HIBCH: variants seen among roughly 807,000 people sequenced by gnomAD.
The protein encoded by HIBCH is 3-hydroxyisobutyryl-CoA hydrolase, mitochondrial.
Under a neutral mutation model 58.2 loss-of-function variants are expected in HIBCH, and 50 were observed. The observed-to-expected ratio is 0.86, with a 90% CI of 0.68 to 1.09. HIBCH has a LOEUF of 1.09. Among genes scored for constraint, HIBCH ranks in the 50% least tolerant of loss-of-function variants. The probability of loss-of-function intolerance (pLI) is 0.00; values close to 1 mark genes in which losing one functional copy is unlikely to be tolerated. For synonymous variants in HIBCH, 151 were observed against 146.9 expected, an observed-to-expected ratio of 1.03 and a Z score of -0.20; for missense variants, 450 against 449.7, an observed-to-expected ratio of 1.00 and a Z score of -0.01.
chr2:190,207,885 AAAAAT>A lies in HIBCH; in HGVS notation c.1045+990_1045+994del, dbSNP rs150198413. Among the ~76,000 whole-genome samples, 40,858 of 151,584 alleles carry A rather than the reference AAAAAT, an allele frequency of 0.27. 5,930 individuals are homozygous for A. Among genetic ancestry groups the A allele is most frequent in the East Asian group, 0.47 (2,395 of 5,096 alleles). On this transcript the variant is annotated intron_variant, in intron 13 of 13. Transcript: ENST00000359678. This position sits in a 1 kb window ranked among gnomAD's most constrained non-coding sequence, Gnocchi z 4.5. Reference sequence around the variant, plus strand: ...GACAGTGTGAGACCCTGTCTCCAAAAAAAATAAAATAAAATAAAAAAAACAAAGGA... The same window carrying A: ...GACAGTGTGAGACCCTGTCTCCAAAAAAAATAAAATAAAAAAAACAAAGGA...
At position 190,304,198 on chromosome 2, in the gene HIBCH, C is replaced by T. The variant is rs291434; in HGVS notation, c.78+6556G>A. Among the ~76,000 whole-genome samples the T allele has an allele frequency of 0.73, 110,528 of 151,414 alleles. 40,758 individuals are homozygous for T. The highest frequency in any genetic ancestry group is 0.76 in the South Asian group (3,635 of 4,800). ...GGAGTTAACAGTAATATACAAATTGCCTTAGTTAAGTTTCTGTTGCTCACA... is the reference window on the plus strand; with the variant it reads ...GGAGTTAACAGTAATATACAAATTGTCTTAGTTAAGTTTCTGTTGCTCACA... On this transcript the variant is annotated intron_variant, in intron 2 of 13. Coordinates refer to ENST00000359678, the MANE Select transcript of HIBCH (RefSeq NM_014362.4). This position sits in a 1 kb window ranked among gnomAD's most constrained non-coding sequence, Gnocchi z 4.1.
chr2:190,314,088 AGT>A (rs1688628167), intron 1 of HIBCH, among the ~76,000 whole-genome samples: 1 of 151,984 alleles, frequency 6.6e-6, no homozygotes, highest in African/African-American at 2.4e-5. Context: ...ATTATGTAAC[AGT>A]GTAAGTACTA....
At chr2:190,266,116 A>G (rs1157310604) in intron 6 of HIBCH, among the ~76,000 whole-genome samples, 1 of 152,216 alleles carries the variant, frequency 6.6e-6, no homozygotes, top group Non-Finnish European at 1.5e-5. Flanking sequence ...CACTGGGGAC[A>G]GATAATGTAT....
At chr2:190,246,921 C>A (rs1246522882) in intron 9 of HIBCH, among the ~76,000 whole-genome samples, 1 of 152,000 alleles carries the variant, frequency 6.6e-6, no homozygotes, top group African/African-American at 2.4e-5. Flanking sequence ...ATATACTTTT[C>A]TTAATTGGAC....
chr2:190,276,401 T>C (rs1197530290), intron 6 of HIBCH, among the ~76,000 whole-genome samples: 1 of 152,306 alleles, frequency 6.6e-6, no homozygotes, highest in East Asian at 1.9e-4. Context: ...TGTTTCCTAA[T>C]TGATATAGAT....
intron 13 of HIBCH, among the ~76,000 whole-genome samples, chr2:190,208,268 G>A (rs1559010784): frequency 2.0e-5 from 3 of 152,162 alleles, no homozygotes; most frequent in Non-Finnish European, 4.4e-5. Context: ...TTAGACCACT[G>A]GTCAATTTTG....
intron 6 of HIBCH, among the ~76,000 whole-genome samples, chr2:190,268,205 G>A (rs1393423228): frequency 5.9e-5 from 9 of 152,072 alleles, no homozygotes; most frequent in South Asian, 2.1e-4. Flanking sequence ...TAAAACGTAC[G>A]TCATTGGATA....
chr2:190,286,400 T>C (rs370959780), intron 6 of HIBCH, among the ~76,000 whole-genome samples: 6 of 152,230 alleles, frequency 3.9e-5, no homozygotes, highest in Admixed American at 1.3e-4. Flanking sequence ...CCATGTCATG[T>C]AAAACTTTGA....
intron 2 of HIBCH, among the ~76,000 whole-genome samples, chr2:190,303,237 T>C (rs957817603): frequency 2.6e-5 from 4 of 152,132 alleles, no homozygotes; most frequent in African/African-American, 9.7e-5. Context: ...GATACATACA[T>C]TACCCTAGCT....
intron 11 of HIBCH, among the ~76,000 whole-genome samples, chr2:190,233,544 C>T (rs549592252): frequency 6.6e-6 from 1 of 152,298 alleles, no homozygotes; most frequent in South Asian, 2.1e-4. Flanking sequence ...TCCCCAGCCT[C>T]AATGAAATAT....
intron 1 of HIBCH, among the ~76,000 whole-genome samples, chr2:190,314,279 AT>A (rs58503019): frequency 0.25 from 23,600 of 93,832 alleles, 2,605 homozygotes; most frequent in Admixed American, 0.46. Flanking sequence ...TACAAAAAAA[AT>A]ATATATATAT....
intron 11 of HIBCH, chr2:190,220,542 C>T (rs1389238373): frequency 6.6e-6 from 1 of 151,942 alleles, no homozygotes; most frequent in Non-Finnish European, 1.5e-5. Context: ...AAAACTGGTT[C>T]TTCATGGGAA....
At chr2:190,242,537 C>G (rs1327782006) in intron 11 of HIBCH, among the ~76,000 whole-genome samples, 4 of 152,212 alleles carry the variant, frequency 2.6e-5, no homozygotes, top group African/African-American at 9.6e-5. Context: ...GTTGCACTGG[C>G]TTTTCCTCAT....
chr2:190,195,418 G>A (rs932675812), intron 1 of HIBCH, among the ~76,000 whole-genome samples: 1 of 152,168 alleles, frequency 6.6e-6, no homozygotes, highest in Non-Finnish European at 1.5e-5. Flanking sequence ...CAAGGTAACC[G>A]TACCATTTTG....
intron 1 of HIBCH, among the ~76,000 whole-genome samples, chr2:190,317,263 A>G (rs1465053021): frequency 6.6e-6 from 1 of 152,188 alleles, no homozygotes; most frequent in Non-Finnish European, 1.5e-5. Context: ...TGGCTCTCAT[A>G]ACTGTACTTG....
intron 11 of HIBCH, among the ~76,000 whole-genome samples, chr2:190,238,281 CCCA>C (rs1183373804): frequency 6.6e-6 from 1 of 152,184 alleles, no homozygotes; most frequent in South Asian, 2.1e-4. Context: ...AATTTACACT[CCCA>C]CCAACAGTGT....
intron 11 of HIBCH, among the ~76,000 whole-genome samples, chr2:190,235,421 G>A (rs1363214465): frequency 6.6e-6 from 1 of 152,184 alleles, no homozygotes; most frequent in Non-Finnish European, 1.5e-5. Context: ...AGGATACTGA[G>A]TTAATCACGA....
chr2:190,212,905 CGT>C (rs1690544518), intron 12 of HIBCH, 49 bp downstream of exon 12: 2 of 1,489,390 alleles, frequency 1.3e-6, no homozygotes. Context: ...CTACAATAAA[CGT>C]ATGTTACTTT....
chr2:190,267,683 A>G (rs1687280826), intron 6 of HIBCH, among the ~76,000 whole-genome samples: 1 of 152,244 alleles, frequency 6.6e-6, no homozygotes, highest in African/African-American at 2.4e-5. Flanking sequence ...TTTATAAAGT[A>G]TCTTTCTGCA....
Sources: allele counts gnomAD v4.1 joint callset (sites outside exome capture counted in the v4.1 genomes callset), GRCh38; gene constraint gnomAD v4.1.1; non-coding constraint Gnocchi (gnomAD v3.1); transcripts MANE v1.5; gene names NCBI Gene and HGNC (gene_info 2026-07-23, HGNC 2026-07-21).